SRMS: variants seen among roughly 807,000 people sequenced by gnomAD.
SRMS encodes the protein tyrosine-protein kinase Srms.
A neutral mutation model predicts 43.5 loss-of-function variants in SRMS; 42 were observed. The observed-to-expected ratio is 0.97, with a 90% CI of 0.75 to 1.25. The LOEUF is 1.25. SRMS is among the 50% of genes most tolerant of loss of function. The pLI is 0.00. For missense variants in SRMS, 703 were observed against 681.0 expected (o/e 1.03, Z -0.36); for synonymous variants, 316 against 308.2 (o/e 1.03, Z -0.27).
intron 1 of SRMS, among the ~76,000 whole-genome samples, chr20:63,545,357 G>C: frequency 6.6e-6 from 1 of 152,202 alleles, no homozygotes; most frequent in East Asian, 1.9e-4. Context: ...CCTGGGACCC[G>C]GAGAGGGATG....
intron 1 of SRMS, 67 bp from the exon 2 acceptor site, chr20:63,544,415 C>G: frequency 7.1e-7 from 1 of 1,401,414 alleles, no homozygotes; most frequent in African/African-American, 1.5e-5. Context: ...TGCTCTCCTC[C>G]GTGTTGCCGG....
In SRMS at chr20:63,543,403, G is replaced by C. The variant is rs757118405; in HGVS notation, c.556C>G (p.Leu186Val). 2 of 1,612,850 alleles carry C rather than the reference G, an allele frequency of 1.2e-6. No individual in the cohort carries two copies. The highest frequency in any genetic ancestry group is 8.5e-7 in the Non-Finnish European group (1 of 1,179,966). The change falls in exon 3 of 8, where the codon CTC (leucine) becomes GTC (valine). Residue 186 changes from leucine to valine, a missense_variant. Coordinates refer to ENST00000217188, the MANE Select transcript of SRMS (RefSeq NM_080823.4). ...AGCAGCTCCTCCAGGCCGGGAAAGA[G>C]CCGTCCCTTCTGCAGGTAGAGGCTG... ...DGSLYLQKGR[L>V]FPGLEELLTY...
chr20:63,547,363 A>G lies in SRMS; in HGVS notation c.101T>C (p.Leu34Pro). The G allele has an allele frequency of 6.3e-7, 1 of 1,579,842 alleles. No individual in the cohort carries two copies. The highest frequency in any genetic ancestry group is 8.6e-7 in the Non-Finnish European group (1 of 1,163,038). Residue 34 changes from leucine (L) to proline (P), a missense_variant, in exon 1 of 8, where the codon CTG (leucine) becomes CCG (proline). Transcript: ENST00000217188. ...GEPDHGTPGSLDPNTDPVPTL... is the reference protein window; with the variant it reads ...GEPDHGTPGSPDPNTDPVPTL... ...GGGCACTGGGTCAGTGTTGGGGTCC[A>G]GGGACCCGGGGGTGCCATGGTCCGG...
In SRMS at chr20:63,547,455, C is replaced by T. The variant is rs370243541; in HGVS notation, c.9G>A (p.Pro3=). ...GGAAGGCCAGCCGCCTCCTGAGGAACGGCTCCATCCCCCGGGGTCACCACG... is the reference window on the plus strand; with the variant it reads ...GGAAGGCCAGCCGCCTCCTGAGGAATGGCTCCATCCCCCGGGGTCACCACG... ME[P]FLRRRLAFLS... is the part of the protein sequence containing the mutation. Residue 3 remains proline, a synonymous_variant, in exon 1 of 8, where the codon CCG becomes CCA. Transcript: ENST00000217188. 38 of 1,499,986 alleles carry T rather than the reference C, an allele frequency of 2.5e-5. No individual in the cohort carries two copies. The highest frequency in any genetic ancestry group is 1.2e-4 in the South Asian group (9 of 77,288). 92.9% of individuals were successfully genotyped at this position (1,499,986 alleles called of 1,614,324 possible). A position where few individuals can be genotyped will look rare whatever the true frequency, so the allele number is the denominator to read the frequency against.
Position 63,540,550 on chromosome 20 carries a change from G to C in SRMS, c.*268C>G, listed in dbSNP as rs2082697054. On this transcript the variant is annotated 3_prime_UTR_variant, in exon 8 of 8. Transcript: ENST00000217188. The stretch of plus-strand genomic sequence containing the variant: ...GAGTCACACTGCACGGGGAACGTCA[G>C]CCCCAGCCCTTCGTCTGCACGAGTC... Among the ~76,000 whole-genome samples, 1 of 152,088 alleles carries C rather than the reference G, an allele frequency of 6.6e-6. No individual in the cohort carries two copies.
rs377143826 is a variant in SRMS, at chr20:63,547,325, C to T, written c.139G>A (p.Glu47Lys). The change falls in exon 1 of 8, where the codon GAG becomes AAG. Residue 47 changes from glutamate (E) to lysine (K), a missense_variant. Coordinates refer to ENST00000217188, the MANE Select transcript of SRMS (RefSeq NM_080823.4). ...AGCTGAGGGAAGGGGCTGCAAGGCT[C>T]GGCGGGGAGCGTGGGCACTGGGTCA... ...NTDPVPTLPA[E>K]PCSPFPQLFL... 20 of 1,594,074 alleles carry T rather than the reference C, an allele frequency of 1.3e-5. No individual in the cohort carries two copies. Among genetic ancestry groups the T allele is most frequent in the African/African-American group, 6.7e-5 (5 of 74,368 alleles).
Position 63,542,611 on chromosome 20 carries a change from C to A in SRMS, c.646-30G>T. ...AGGGAGGGTGGGCAGGGAGGCTGGT[C>A]AGCGTGGGCCCCTGTGCTCTGTCCC... is the stretch of plus-strand genomic sequence containing the variant. On this transcript the variant is annotated intron_variant, in intron 3 of 7. Transcript: ENST00000217188. The A allele has an allele frequency of 1.9e-6, 3 of 1,584,488 alleles. No individual in the cohort carries two copies. In the South Asian group the frequency reaches 3.5e-5, roughly 19 times the overall value.
In SRMS at chr20:63,542,449, T is replaced by C. The variant is rs775393891; in HGVS notation, c.778A>G (p.Ile260Val). The change falls in exon 4 of 8, where the codon ATC becomes GTC. Residue 260 changes from isoleucine (I) to valine (V), a missense_variant. By Grantham distance (29) the Ile-to-Val change is conservative (BLOSUM62 3). Coordinates refer to ENST00000217188, the MANE Select transcript of SRMS (RefSeq NM_080823.4). ...GATCTCGGGGCCTCACCTGACTTGA[T>C]GACCTTGATCGCCACGGGCAGGGAG... ...LGSLPVAIKV[I>V]KSANMKLTDL... 2 of 1,611,670 alleles carry C rather than the reference T, an allele frequency of 1.2e-6. No individual in the cohort carries two copies. Among genetic ancestry groups the C allele is most frequent in the Admixed American group, 3.3e-5 (2 of 59,900 alleles).
In SRMS at chr20:63,541,107, A is replaced by T. The variant is rs1340497385; in HGVS notation, c.1285+84T>A. On this transcript the variant is annotated intron_variant, in intron 7 of 7. Transcript: ENST00000217188. The stretch of plus-strand genomic sequence containing the variant: ...TGCCTGCCCTTGGCCAGACCCTCCA[A>T]CCCCTTGCCGACAGCGTCCAGGCCC... 3.8e-6 allele frequency: 6 copies of T among 1,564,608 alleles called. No individual in the cohort carries two copies. The Admixed American group carries it at 1.2e-4, about 31-fold the overall frequency.
Position 63,547,315 on chromosome 20 carries a change from C to T in SRMS, c.149G>A (p.Ser50Asn), listed in dbSNP as rs146677097. ...PVPTLPAEPC[S>N]PFPQLFLALY... ...CGCAAGGAAGAGCTGAGGGAAGGGG[C>T]TGCAAGGCTCGGCGGGGAGCGTGGG... The change falls in exon 1 of 8, where the codon AGC (serine) becomes AAC (asparagine). Residue 50 changes from serine to asparagine, a missense_variant. Coordinates refer to ENST00000217188, the MANE Select transcript of SRMS (RefSeq NM_080823.4). 10 of 1,599,412 alleles carry T rather than the reference C, an allele frequency of 6.3e-6. No homozygotes were observed. The highest frequency in any genetic ancestry group is 8.5e-6 in the Non-Finnish European group (10 of 1,170,734).
rs750927907 is a variant in SRMS, at chr20:63,541,634, C to T, written c.947-14G>A. 57 of 1,506,894 alleles carry T rather than the reference C, an allele frequency of 3.8e-5. No homozygotes were observed. Among genetic ancestry groups the T allele is most frequent in the Admixed American group, 6.5e-5 (3 of 46,274 alleles). 93.3% of individuals were successfully genotyped at this position (1,506,894 alleles called of 1,614,324 possible). ...GGCCCTCGGGGGCTGCAGGAGACAGCGCGGGGTCTTTTAGGGCACGGGGCC... is the reference window on the plus strand; with the variant it reads ...GGCCCTCGGGGGCTGCAGGAGACAGTGCGGGGTCTTTTAGGGCACGGGGCC... On this transcript the variant is annotated splice_polypyrimidine_tract_variant and intron_variant, in intron 5 of 7. Coordinates refer to ENST00000217188, the MANE Select transcript of SRMS (RefSeq NM_080823.4).
intron 7 of SRMS, 82 bp from the exon 8 acceptor site, chr20:63,541,081 C>G: frequency 6.3e-7 from 1 of 1,586,308 alleles, no homozygotes; most frequent in Non-Finnish European, 8.6e-7. Flanking sequence ...CCCATGTCAT[C>G]TGCCTGCCCT....
chr20:63,543,247 G>A lies in SRMS; in HGVS notation c.645+67C>T, dbSNP rs1452954426. Reference sequence around the variant, plus strand: ...CCCAGGGGTTTTGTGACGGGGTGGGGAGGAGCACCTAGAACAGGGCCATGC... The same window carrying A: ...CCCAGGGGTTTTGTGACGGGGTGGGAAGGAGCACCTAGAACAGGGCCATGC... On this transcript the variant is annotated intron_variant, in intron 3 of 7. Transcript: ENST00000217188. 11 of 1,568,300 alleles carry A rather than the reference G, an allele frequency of 7.0e-6. No homozygotes were observed. The Admixed American group carries it at 1.2e-4, about 17-fold the overall frequency.
rs1555886442 is a variant in SRMS, at chr20:63,538,721, T to TGGGGGGGGGGGGGGGG, written c.*2096_*2097insCCCCCCCCCCCCCCCC. Among the ~76,000 whole-genome samples, 3 of 23,862 alleles carry TGGGGGGGGGGGGGGGG rather than the reference T, an allele frequency of 1.3e-4. No homozygotes were observed. Among genetic ancestry groups the TGGGGGGGGGGGGGGGG allele is most frequent in the South Asian group, 1.5e-3 (1 of 654 alleles). The allele number at this position is 23,862 out of a possible 152,430, so 15.7% of individuals were successfully genotyped here. ...GTTGGGGAGGATGCAGGGGGAGGGG[T>TGGGGGGGGGGGGGGGG]GGGGGGTGGGGAATGCGGAAGGAGG... is the stretch of plus-strand genomic sequence containing the variant. On this transcript the variant is annotated 3_prime_UTR_variant, in exon 8 of 8. Transcript: ENST00000217188.
In SRMS at chr20:63,540,739, G is replaced by A. The variant is rs1362497676; in HGVS notation, c.*79C>T. The A allele has an allele frequency of 4.0e-5, 59 of 1,487,040 alleles. No individual in the cohort carries two copies. Among genetic ancestry groups the A allele is most frequent in the Non-Finnish European group, 4.9e-5 (55 of 1,117,614 alleles). The allele number at this position is 1,487,040 out of a possible 1,614,324, so 92.1% of individuals were successfully genotyped here. On this transcript the variant is annotated 3_prime_UTR_variant, in exon 8 of 8. Transcript: ENST00000217188. ...CAGAGGCTCCTCGGTCCGGCAGACC[G>A]GCATCCCTTCGAGTTGGCGCTCTGC...
At position 63,547,513 on chromosome 20, in the gene SRMS, CG is replaced by C. The variant is rs1038842998; in HGVS notation, c.-51del. The stretch of plus-strand genomic sequence containing the variant: ...CGAGGGCCATGGGAGCCCGCGAGCC[CG>C]GAAGAGGAACTGGCAGGGCCGGTGG... On this transcript the variant is annotated 5_prime_UTR_variant, in exon 1 of 8. Coordinates refer to ENST00000217188, the MANE Select transcript of SRMS (RefSeq NM_080823.4). 2 of 1,422,828 alleles carry C rather than the reference CG, an allele frequency of 1.4e-6. No individual in the cohort carries two copies. The highest frequency in any genetic ancestry group is 3.0e-5 in the African/African-American group (2 of 67,584). 88.1% of individuals were successfully genotyped at this position (1,422,828 alleles called of 1,614,324 possible). A position where few individuals can be genotyped will look rare whatever the true frequency, so the allele number is the denominator to read the frequency against.
chr20:63,541,519 C>T lies in SRMS; in HGVS notation c.1048G>A (p.Asp350Asn), dbSNP rs558107236. Residue 350 changes from aspartate (D) to asparagine (N), a missense_variant, in exon 6 of 8, where the codon GAC (aspartate) becomes AAC (asparagine). Transcript: ENST00000217188. ...YLEEQRVVHR[D>N]LAARNVLVDD... ...ACGAGCACGTTCCGGGCGGCCAAGTCCCGGTGCACAACGCGCTGCTCCTCC... is the reference window on the plus strand; with the variant it reads ...ACGAGCACGTTCCGGGCGGCCAAGTTCCGGTGCACAACGCGCTGCTCCTCC... 1.5e-5 allele frequency: 24 copies of T among 1,605,058 alleles called. No homozygotes were observed. Among genetic ancestry groups the T allele is most frequent in the East Asian group, 6.7e-5 (3 of 44,522 alleles).
chr20:63,547,043 G>A (rs2082735598), intron 1 of SRMS, 65 bp downstream of exon 1: 5 of 1,373,334 alleles, frequency 3.6e-6, no homozygotes, highest in Non-Finnish European at 4.9e-6. Flanking sequence ...TCAAAATCCT[G>A]CCGTTGTTCT....
chr20:63,541,149 G>C, intron 7 of SRMS, 42 bp downstream of exon 7: 2 of 1,549,944 alleles, frequency 1.3e-6, no homozygotes, highest in Non-Finnish European at 1.7e-6. Flanking sequence ...AGTGACTCCT[G>C]GGCAGAGCCT....
Sources: allele counts gnomAD v4.1 joint callset (sites outside exome capture counted in the v4.1 genomes callset), GRCh38; gene constraint gnomAD v4.1.1; transcripts MANE v1.5; gene names NCBI Gene and HGNC (gene_info 2026-07-23, HGNC 2026-07-21).